CABYR: variants seen among roughly 807,000 people sequenced by gnomAD.
The protein encoded by CABYR is calcium-binding tyrosine phosphorylation-regulated protein.
Under a neutral mutation model 36.1 loss-of-function variants are expected in CABYR, and 31 were observed. The ratio of observed to expected loss-of-function variants is 0.86; its 90% CI spans 0.64 to 1.16. The LOEUF is 1.16. CABYR is among the 50% of genes most tolerant of loss of function. The pLI, the probability that CABYR is intolerant of heterozygous loss-of-function variation, is 0.00. For missense variants in CABYR, 429 were observed against 455.8 expected, an observed-to-expected ratio of 0.94 and a Z score of 0.53; for synonymous variants, 146 against 160.7, an observed-to-expected ratio of 0.91 and a Z score of 0.69.
At chr18:24,143,041 AAC>A in intron 1 of CABYR, 48 bp from the exon 2 acceptor site, 4 of 1,333,606 alleles carry the variant, frequency 3.0e-6, no homozygotes, top group South Asian at 1.5e-5. Flanking sequence ...AAAAAAAAAA[AAC>A]CTATTTTAGT....
At chr18:24,148,108 G>C (rs901016029) in intron 3 of CABYR, among the ~76,000 whole-genome samples, 1 of 152,136 alleles carries the variant, frequency 6.6e-6, no homozygotes, top group African/African-American at 2.4e-5. Context: ...GAACACTTTT[G>C]CAAGTTTTCC....
intron 5 of CABYR, among the ~76,000 whole-genome samples, chr18:24,161,088 G>A (rs1174102562): frequency 6.6e-6 from 1 of 152,224 alleles, no homozygotes; most frequent in African/African-American, 2.4e-5. Flanking sequence ...CAGATTAGCA[G>A]TAAGGGGGAG....
chr18:24,148,217 C>T (rs960215856), intron 3 of CABYR, among the ~76,000 whole-genome samples: 3 of 152,106 alleles, frequency 2.0e-5, no homozygotes, highest in African/African-American at 7.2e-5. Flanking sequence ...CATCTAGCAT[C>T]CCTGATCCTG....
At position 24,157,031 on chromosome 18, in the gene CABYR, G is replaced by C. The variant is rs1216956852; in HGVS notation, c.541+989G>C. On this transcript the variant is annotated intron_variant, in intron 4 of 5. Coordinates refer to ENST00000399496, the MANE Select transcript of CABYR (RefSeq NM_153769.3). ...AAATCAGGTATTTCCATTACAAATTGCATTTCAGGTGACATCTGTATTTCA... is the reference window on the plus strand; with the variant it reads ...AAATCAGGTATTTCCATTACAAATTCCATTTCAGGTGACATCTGTATTTCA... 5.3e-6 allele frequency: 8 copies of C among 1,523,124 alleles called. No homozygotes were observed. The East Asian group carries it at 1.1e-4, about 22-fold the overall frequency. The allele number at this position is 1,523,124 out of a possible 1,614,324, so 94.4% of individuals were successfully genotyped here.
rs1358635059 is a variant in CABYR at position 24,155,868 on chromosome 18, C to T, written c.367C>T (p.Pro123Ser). 1.9e-6 allele frequency: 3 copies of T among 1,614,174 alleles called. No individual in the cohort carries two copies. The highest frequency in any genetic ancestry group is 1.7e-6 in the Non-Finnish European group (2 of 1,180,028). Residue 123 changes from proline to serine, a missense_variant, in exon 4 of 6, where the codon CCA (proline) becomes TCA (serine). By Grantham distance (74) the Pro-to-Ser change is moderately conservative. Coordinates refer to ENST00000399496, the MANE Select transcript of CABYR (RefSeq NM_153769.3). ...TEYSDKTTQFPSVYAVPGTEQ... is the reference protein window; with the variant it reads ...TEYSDKTTQFSSVYAVPGTEQ... ...ATATAGTGACAAAACCACCCAGTTT[C>T]CATCAGTTTATGCTGTGCCAGGCAC...
At chr18:24,147,414 C>T (rs953478474) in intron 3 of CABYR, among the ~76,000 whole-genome samples, 1 of 152,030 alleles carries the variant, frequency 6.6e-6, no homozygotes, top group African/African-American at 2.4e-5. Flanking sequence ...GGGACCAGGA[C>T]AAAGATCTCC....
intron 3 of CABYR, chr18:24,150,524 T>G (rs2145868988): frequency 1.1e-6 from 1 of 905,364 alleles, no homozygotes; most frequent in Non-Finnish European, 1.3e-6. Context: ...GGAAGTCTTA[T>G]TCCTCTTTGA....
chr18:24,158,379 C>T (rs62089644), intron 4 of CABYR, among the ~76,000 whole-genome samples: 7 of 140,894 alleles, frequency 5.0e-5, no homozygotes, highest in South Asian at 2.4e-4. Context: ...AGTGCAGTGG[C>T]GTGATCTTGG....
chr18:24,158,406 C>T (rs1326284481), intron 4 of CABYR, among the ~76,000 whole-genome samples: 1 of 146,486 alleles, frequency 6.8e-6, no homozygotes, highest in Admixed American at 6.8e-5. Flanking sequence ...ACAACCTCCG[C>T]CTCCTGGGTT....
intron 5 of CABYR, 25 bp from the exon 6 acceptor site, chr18:24,161,491 T>C (rs1410951718): frequency 3.8e-6 from 3 of 779,874 alleles, no homozygotes; most frequent in South Asian, 1.3e-5. Context: ...TTTAAACAAT[T>C]CAATGTTTGC....
At chr18:24,150,835 A>G (rs1346018803) in intron 3 of CABYR, among the ~76,000 whole-genome samples, 1 of 146,884 alleles carries the variant, frequency 6.8e-6, no homozygotes, top group Admixed American at 6.9e-5. Flanking sequence ...GCTGGAGTGC[A>G]GTAGTGAGAT....
chr18:24,155,641 C>A, intron 3 of CABYR, 60 bp from the exon 4 acceptor site: 2 of 1,282,038 alleles, frequency 1.6e-6, no homozygotes, highest in South Asian at 1.5e-5. Flanking sequence ...CTTTAAAAAT[C>A]TTTTCTTCTC....
rs114776878 is a variant in CABYR at position 24,153,221 on chromosome 18, G to A, written c.200-2480G>A. Among the ~76,000 whole-genome samples, 579 of 151,988 alleles carry A rather than the reference G, an allele frequency of 3.8e-3. 3 individuals carry two copies. The highest frequency in any genetic ancestry group is 0.014 in the African/African-American group (564 of 41,444). ...TTGTTCTGGGCCTGCCTTAGGCCTA[G>A]GCTGGACTTGTGCACCTGGGCTTTG... is the stretch of plus-strand genomic sequence containing the variant. On this transcript the variant is annotated intron_variant, in intron 3 of 5. Coordinates refer to ENST00000399496, the MANE Select transcript of CABYR (RefSeq NM_153769.3).
At chr18:24,149,009 T>C (rs532043629) in intron 3 of CABYR, among the ~76,000 whole-genome samples, 53 of 152,270 alleles carry the variant, frequency 3.5e-4, no homozygotes, top group African/African-American at 1.2e-3. Context: ...TGCTGATTGG[T>C]AGAGCGGAGT....
At chr18:24,159,415 G>T in intron 4 of CABYR, 57 bp from the exon 5 acceptor site, 1 of 1,149,570 alleles carries the variant, frequency 8.7e-7, no homozygotes, top group East Asian at 2.3e-5. Flanking sequence ...ACATTACTAT[G>T]CATAGTGCCT....
chr18:24,156,043 G>A lies in CABYR; in HGVS notation c.541+1G>A. 1 of 1,614,168 alleles carries A rather than the reference G, an allele frequency of 6.2e-7. No individual in the cohort carries two copies. Among genetic ancestry groups the A allele is most frequent in the South Asian group, 1.1e-5 (1 of 91,076 alleles). On this transcript the variant is annotated splice_donor_variant, in intron 4 of 5. Transcript: ENST00000399496. LOFTEE classifies it high-confidence loss of function. ...GCTCAGCTTGCTGCTCAGATGTTAGGTAAAGTTTCATCTATTCATTCTGAT... is the reference window on the plus strand; with the variant it reads ...GCTCAGCTTGCTGCTCAGATGTTAGATAAAGTTTCATCTATTCATTCTGAT...
intron 3 of CABYR, among the ~76,000 whole-genome samples, chr18:24,154,028 G>A (rs371044869): frequency 2.8e-5 from 4 of 144,646 alleles, no homozygotes; most frequent in East Asian, 2.0e-4. Context: ...GTTTGAACCC[G>A]GGAGGTAGAG....
In CABYR at chr18:24,143,077, T is replaced by C; in HGVS notation, c.-24-14T>C. The stretch of plus-strand genomic sequence containing the variant: ...GTAAAACTAATTACTTCTAAGACTT[T>C]TTCTTCATTCTAGTTGAGTTACAGA... On this transcript the variant is annotated splice_polypyrimidine_tract_variant and intron_variant, in intron 1 of 5. Coordinates refer to ENST00000399496, the MANE Select transcript of CABYR (RefSeq NM_153769.3). The C allele has an allele frequency of 6.5e-7, 1 of 1,541,528 alleles. No individual in the cohort carries two copies. The highest frequency in any genetic ancestry group is 1.3e-5 in the South Asian group (1 of 79,750).
rs115656137 is a variant in CABYR, at chr18:24,155,852, C to A, written c.351C>A (p.Asp117Glu). ...EDNVTRTEYS[D>E]KTTQFPSVYA... ...ATGTAACCAGAACAGAATATAGTGA[C>A]AAAACCACCCAGTTTCCATCAGTTT... The change falls in exon 4 of 6, where the codon GAC (aspartate) becomes GAA (glutamate). Residue 117 changes from aspartate to glutamate, a missense_variant. Asp to Glu is a conservative substitution (Grantham distance 45, BLOSUM62 2). Coordinates refer to ENST00000399496, the MANE Select transcript of CABYR (RefSeq NM_153769.3). 1.9e-6 allele frequency: 3 copies of A among 1,614,176 alleles called. No homozygotes were observed. Among genetic ancestry groups the A allele is most frequent in the East Asian group, 2.2e-5 (1 of 44,882 alleles).
Sources: allele counts gnomAD v4.1 joint callset (sites outside exome capture counted in the v4.1 genomes callset), GRCh38; gene constraint gnomAD v4.1.1; transcripts MANE v1.5; gene names NCBI Gene and HGNC (gene_info 2026-07-23, HGNC 2026-07-21).